GLIS3: variants seen among roughly 807,000 people sequenced by gnomAD.
GLIS3 encodes the protein zinc finger protein GLIS3.
In GLIS3, 53 loss-of-function variants were observed where a neutral mutation model predicts 78.6. That is an observed-to-expected ratio of 0.67 (90% confidence interval 0.54 to 0.85). GLIS3 has a LOEUF of 0.85. GLIS3 is among the 40% of genes least tolerant of loss of function. The probability of loss-of-function intolerance (pLI) is 0.00; values close to 1 mark genes in which losing one functional copy is unlikely to be tolerated. For synonymous variants in GLIS3, 684 were observed against 509.9 expected, an observed-to-expected ratio of 1.34 and a Z score of -4.60; for missense variants, 1,703 against 1,231.1, an observed-to-expected ratio of 1.38 and a Z score of -5.74.
the GLIS3 span, among the ~76,000 whole-genome samples, chr9:4,447,700 T>C: frequency 5.3e-5 from 8 of 152,250 alleles, no homozygotes; most frequent in East Asian, 1.5e-3. Flanking sequence ...GATGCTGAAA[T>C]TTTTTCTCCA....
intron 4 of GLIS3, among the ~76,000 whole-genome samples, chr9:4,050,562 C>G (rs7029320): frequency 0.26 from 39,472 of 151,862 alleles, 5,412 homozygotes; most frequent in Middle Eastern, 0.39. Context: ...AAACCTGCAG[C>G]TTGTGCACAT....
At chr9:4,408,546 G>A in the GLIS3 span, among the ~76,000 whole-genome samples, 1 of 151,754 alleles carries the variant, frequency 6.6e-6, no homozygotes, top group Non-Finnish European at 1.5e-5. Flanking sequence ...GGCTAACACG[G>A]TGAAATCCCG....
chr9:4,446,068 A>C, the GLIS3 span, among the ~76,000 whole-genome samples: 3 of 152,336 alleles, frequency 2.0e-5, no homozygotes, highest in East Asian at 5.8e-4. Flanking sequence ...GTGTGTTGCC[A>C]AACAAAATAT....
intron 4 of GLIS3, among the ~76,000 whole-genome samples, chr9:4,000,047 A>C (rs1821023908): frequency 6.6e-6 from 1 of 152,154 alleles, no homozygotes; most frequent in African/African-American, 2.4e-5. Flanking sequence ...GAACAATGTT[A>C]CTCAGAATAA....
the GLIS3 span, among the ~76,000 whole-genome samples, chr9:4,418,407 A>C: frequency 6.6e-6 from 1 of 152,362 alleles, no homozygotes; most frequent in Admixed American, 6.5e-5. Context: ...GATTTGCTCT[A>C]TCTGTAAAAC....
At chr9:4,313,835 G>A (rs763386486) in intron 2 of GLIS3, among the ~76,000 whole-genome samples, 9 of 152,192 alleles carry the variant, frequency 5.9e-5, no homozygotes, top group African/African-American at 1.2e-4. Flanking sequence ...TGTGTTGCAG[G>A]AGGTAGGTGA....
intron 2 of GLIS3, among the ~76,000 whole-genome samples, chr9:4,166,844 A>G (rs774024937): frequency 5.3e-5 from 8 of 152,256 alleles, no homozygotes; most frequent in Non-Finnish European, 8.8e-5. Flanking sequence ...AGATGTAGAG[A>G]CAGCCAAGTC....
chr9:3,910,997 G>C (rs1179509205), intron 6 of GLIS3, among the ~76,000 whole-genome samples: 2 of 152,198 alleles, frequency 1.3e-5, no homozygotes, highest in East Asian at 3.8e-4. Context: ...GACCAGGACA[G>C]AATAAATACA....
the GLIS3 span, among the ~76,000 whole-genome samples, chr9:4,485,389 T>C: frequency 6.6e-6 from 1 of 152,092 alleles, no homozygotes; most frequent in Middle Eastern, 3.2e-3. Flanking sequence ...GATCCACAAA[T>C]CAACCAGTCC....
the GLIS3 span, among the ~76,000 whole-genome samples, chr9:4,476,647 C>A: frequency 3.5e-4 from 53 of 152,136 alleles, no homozygotes; most frequent in Non-Finnish European, 2.6e-4. Context: ...CAGGCGTGAG[C>A]CACCATGCCC....
the GLIS3 span, among the ~76,000 whole-genome samples, chr9:4,406,753 C>T: frequency 6.6e-6 from 1 of 152,084 alleles, no homozygotes; most frequent in African/African-American, 2.4e-5. Flanking sequence ...CGTGAAAGAT[C>T]TCTTCAATAA....
At chr9:4,022,817 C>T (rs1822998594) in intron 4 of GLIS3, among the ~76,000 whole-genome samples, 1 of 152,140 alleles carries the variant, frequency 6.6e-6, no homozygotes, top group Non-Finnish European at 1.5e-5. Flanking sequence ...AAACCAGACA[C>T]AAGAAAGTAT....
intron 2 of GLIS3, among the ~76,000 whole-genome samples, chr9:4,238,338 T>G (rs1387916115): frequency 3.9e-5 from 6 of 152,110 alleles, no homozygotes; most frequent in African/African-American, 9.7e-5. Context: ...GAATTGTTGT[T>G]TTGGTGGAGA....
At chr9:4,279,713 G>A (rs1173515049) in intron 2 of GLIS3, among the ~76,000 whole-genome samples, 1 of 151,700 alleles carries the variant, frequency 6.6e-6, no homozygotes, top group East Asian at 1.9e-4. Flanking sequence ...TTGCTTAGCT[G>A]TGTGTTTTTC....
chr9:4,210,277 T>C (rs1002659956), intron 2 of GLIS3, among the ~76,000 whole-genome samples: 2 of 152,232 alleles, frequency 1.3e-5, no homozygotes, highest in African/African-American at 4.8e-5. Context: ...GGTTAATCAT[T>C]CCATCTTTGA....
intron 6 of GLIS3, among the ~76,000 whole-genome samples, chr9:3,912,341 TAGCGC>T (rs1824210617): frequency 6.6e-6 from 1 of 152,164 alleles, no homozygotes; most frequent in Non-Finnish European, 1.5e-5. Flanking sequence ...CCAGGATGCA[TAGCGC>T]CCTGGAATTA....
At chr9:4,006,246 G>C (rs905107755) in intron 4 of GLIS3, among the ~76,000 whole-genome samples, 3 of 137,710 alleles carry the variant, frequency 2.2e-5, no homozygotes, top group African/African-American at 8.3e-5. Flanking sequence ...AACAGCATGA[G>C]AGCTCCTTTT....
chr9:4,298,162 G>T (rs1293226160), intron 1 of GLIS3, among the ~76,000 whole-genome samples: 1 of 152,060 alleles, frequency 6.6e-6, no homozygotes, highest in Non-Finnish European at 1.5e-5. Context: ...AAGCCCGGGC[G>T]CCGGGGACCT....
chr9:3,907,234 C>T (rs1361234396), intron 6 of GLIS3, among the ~76,000 whole-genome samples: 3 of 152,120 alleles, frequency 2.0e-5, no homozygotes, highest in Non-Finnish European at 4.4e-5. Context: ...GCTAGGCTGA[C>T]TGCCTCTTAA....
Sources: gnomAD v4.1 joint callset for allele counts (sites outside exome capture counted in the v4.1 genomes callset) on GRCh38, gnomAD v4.1.1 for gene constraint, MANE v1.5 for transcripts, NCBI Gene and HGNC (gene_info 2026-07-23, HGNC 2026-07-21) for gene names.